The following GASK1A variants were observed in gnomAD, a reference collection of about 807,000 sequenced individuals.
GASK1A encodes Golgi-associated kinase 1A.
In GASK1A, 40 loss-of-function variants were observed where a neutral mutation model predicts 41.2. The observed-to-expected ratio is 0.97, with a 90% CI of 0.75 to 1.27. GASK1A has a LOEUF of 1.27. Ranked by LOEUF, GASK1A falls within the 50% of genes most tolerant of loss-of-function variation. The pLI, the probability that GASK1A is intolerant of heterozygous loss-of-function variation, is 0.00. For synonymous variants in GASK1A, 316 were observed against 307.1 expected (o/e 1.03, Z -0.30); for missense variants, 678 against 745.1 (o/e 0.91, Z 1.05).
At chr3:43,028,109 G>T (rs2089554401) in intron 1 of GASK1A, among the ~76,000 whole-genome samples, 1 of 152,234 alleles carries the variant, frequency 6.6e-6, no homozygotes, top group Admixed American at 6.5e-5. Flanking sequence ...GGAATGTCTG[G>T]GTTAAGATAA....
In GASK1A at chr3:43,033,204, A is replaced by G. The variant is rs2089588130; in HGVS notation, c.941A>G (p.Gln314Arg). 6.4e-7 allele frequency: 1 copy of G among 1,551,548 alleles called. No homozygotes were observed. The highest frequency in any genetic ancestry group is 8.7e-7 in the Non-Finnish European group (1 of 1,146,928). ...CCCAGGCTCAGCCAACTCTGTTCCC[A>G]AGGGCTCTGTGGCCTGATCAAGAGG... ...SSPRLSQLCS[Q>R]GLCGLIKRPG... The change falls in exon 2 of 5, where the codon CAA (glutamine) becomes CGA (arginine). Residue 314 changes from glutamine to arginine, a missense_variant. Gln to Arg is a conservative substitution (Grantham distance 43). Transcript: ENST00000430121.
intron 2 of GASK1A, among the ~76,000 whole-genome samples, chr3:43,043,015 T>C (rs1559407003): frequency 6.6e-6 from 1 of 152,194 alleles, no homozygotes; most frequent in Non-Finnish European, 1.5e-5. Flanking sequence ...CCTCACCAAA[T>C]TCTTCAACAG....
rs10628402 is a variant in GASK1A at position 42,984,296 on chromosome 3, ATC to A, written c.3+4667_3+4668del. Among the ~76,000 whole-genome samples the A allele has an allele frequency of 8.7e-5, 13 of 149,624 alleles. No individual in the cohort carries two copies. Among genetic ancestry groups the A allele is most frequent in the Admixed American group, 8.0e-4 (12 of 14,990 alleles). ...CTTCTTTATGTGGATTTCACTTCCT[ATC>A]TCTCTCTCTCTCTCTTTCTCTCTCT... is the stretch of plus-strand genomic sequence containing the variant. On this transcript the variant is annotated intron_variant, in intron 1 of 4. Transcript: ENST00000430121. The surrounding 1 kb of genome is among the most constrained non-coding windows in gnomAD (Gnocchi z 4.2).
chr3:42,995,274 CCTT>C (rs2089363438), intron 1 of GASK1A, among the ~76,000 whole-genome samples: 2 of 152,194 alleles, frequency 1.3e-5, no homozygotes, highest in South Asian at 4.1e-4. Context: ...AGGCAACTGT[CCTT>C]CTTCCTTGGT....
chr3:43,006,339 T>C lies in GASK1A; in HGVS notation c.4-25928T>C, dbSNP rs151042517. Among the ~76,000 whole-genome samples the C allele has an allele frequency of 2.0e-3, 306 of 152,292 alleles. 3 individuals carry two copies. Among genetic ancestry groups the C allele is most frequent in the African/African-American group, 7.0e-3 (291 of 41,558 alleles). ...TCCTCTTTCTTGGCTTACCTCCTGG[T>C]TTTAGTGGAGTAATTTAACCAATAG... On this transcript the variant is annotated intron_variant, in intron 1 of 4. Coordinates refer to ENST00000430121, the MANE Select transcript of GASK1A (RefSeq NM_001129908.3).
At chr3:43,053,387 A>C in intron 2 of GASK1A, 134 bp from the exon 3 acceptor site, 1 of 990,974 alleles carries the variant, frequency 1.0e-6, no homozygotes, top group Non-Finnish European at 1.5e-6. Flanking sequence ...TGACCAGCAC[A>C]GAGAACCAGT....
chr3:42,984,627 T>C lies in GASK1A; in HGVS notation c.3+4982T>C, dbSNP rs2089299325. Among the ~76,000 whole-genome samples, 1 of 152,204 alleles carries C rather than the reference T, an allele frequency of 6.6e-6. No homozygotes were observed. The highest frequency in any genetic ancestry group is 2.1e-4 in the South Asian group (1 of 4,826). Reference sequence around the variant, plus strand: ...ATAACTGAAATGCAGATTCAGTCACTCACCACTTGTAGAGTCCAATTAACA... The same window carrying C: ...ATAACTGAAATGCAGATTCAGTCACCCACCACTTGTAGAGTCCAATTAACA... On this transcript the variant is annotated intron_variant, in intron 1 of 4. Coordinates refer to ENST00000430121, the MANE Select transcript of GASK1A (RefSeq NM_001129908.3). The surrounding 1 kb of genome is among the most constrained non-coding windows in gnomAD (Gnocchi z 4.2).
At chr3:43,028,727 G>A (rs995849262) in intron 1 of GASK1A, among the ~76,000 whole-genome samples, 32 of 152,316 alleles carry the variant, frequency 2.1e-4, no homozygotes, top group Non-Finnish European at 3.8e-4. Flanking sequence ...GGGGAGCACA[G>A]GTTGTCTAGA....
At chr3:42,985,250 C>T (rs865945713) in intron 1 of GASK1A, among the ~76,000 whole-genome samples, 2 of 152,158 alleles carry the variant, frequency 1.3e-5, no homozygotes, top group African/African-American at 2.4e-5. Flanking sequence ...TAGGCCTTCA[C>T]AAGTTCTGAA....
rs577546098 is a variant in GASK1A at position 42,996,090 on chromosome 3, C to T, written c.3+16445C>T. ...CTGCAAAGCCCCAACGTATAATCAA[C>T]GTGGAGACTGGACCAGGGCAACCAG... On this transcript the variant is annotated intron_variant, in intron 1 of 4. Transcript: ENST00000430121. Among the ~76,000 whole-genome samples, 424 of 150,528 alleles carry T rather than the reference C, an allele frequency of 2.8e-3. 4 individuals are homozygous for T. The highest frequency in any genetic ancestry group is 9.9e-3 in the African/African-American group (407 of 41,154).
intron 2 of GASK1A, among the ~76,000 whole-genome samples, chr3:43,052,207 T>C (rs555968612): frequency 5.3e-5 from 8 of 152,324 alleles, no homozygotes; most frequent in Admixed American, 1.3e-4. Flanking sequence ...TTCTGTTTCA[T>C]GTGCCGTGAG....
At chr3:43,004,982 A>G (rs1445356428) in intron 1 of GASK1A, among the ~76,000 whole-genome samples, 1 of 152,184 alleles carries the variant, frequency 6.6e-6, no homozygotes, top group Non-Finnish European at 1.5e-5. Flanking sequence ...TCTATCCTTT[A>G]GAGGCCACCT....
chr3:43,041,379 A>C (rs1423798180), intron 2 of GASK1A, among the ~76,000 whole-genome samples: 16 of 152,294 alleles, frequency 1.1e-4, no homozygotes, highest in East Asian at 9.7e-4. Context: ...CATCCTCTCC[A>C]GCACCCGTTG....
chr3:43,004,500 G>C (rs923218649), intron 1 of GASK1A, among the ~76,000 whole-genome samples: 3 of 152,174 alleles, frequency 2.0e-5, no homozygotes, highest in African/African-American at 7.2e-5. Flanking sequence ...CTCAGTAGAA[G>C]ATGACTCACT....
chr3:43,041,976 G>A (rs1290662604), intron 2 of GASK1A, among the ~76,000 whole-genome samples: 1 of 152,118 alleles, frequency 6.6e-6, no homozygotes, highest in Non-Finnish European at 1.5e-5. Flanking sequence ...CTGTGCTGGG[G>A]GCATGGGCCA....
At chr3:43,004,502 T>C (rs1464121877) in intron 1 of GASK1A, among the ~76,000 whole-genome samples, 1 of 152,224 alleles carries the variant, frequency 6.6e-6, no homozygotes, top group South Asian at 2.1e-4. Flanking sequence ...CAGTAGAAGA[T>C]GACTCACTGG....
At chr3:43,033,766 A>G (rs1200453496) in intron 2 of GASK1A, among the ~76,000 whole-genome samples, 2 of 152,260 alleles carry the variant, frequency 1.3e-5, no homozygotes, top group East Asian at 3.8e-4. Flanking sequence ...GCTGATGGCT[A>G]TAATTTTCAG....
intron 1 of GASK1A, among the ~76,000 whole-genome samples, chr3:43,002,312 T>A (rs2089413608): frequency 6.6e-6 from 1 of 152,190 alleles, no homozygotes; most frequent in African/African-American, 2.4e-5. Context: ...ATTTCTTTCT[T>A]AAGGGATTTT....
At chr3:43,020,513 TCATTGCTAACCTG>T (rs2089515948) in intron 1 of GASK1A, among the ~76,000 whole-genome samples, 1 of 152,130 alleles carries the variant, frequency 6.6e-6, no homozygotes, top group African/African-American at 2.4e-5. Flanking sequence ...GTGCTAGGCT[TCATTGCTAACCTG>T]CCTGCCTGTT....
Sources: allele counts gnomAD v4.1 joint callset (sites outside exome capture counted in the v4.1 genomes callset), GRCh38; gene constraint gnomAD v4.1.1; non-coding constraint Gnocchi (gnomAD v3.1); transcripts MANE v1.5; gene names NCBI Gene and HGNC (gene_info 2026-07-23, HGNC 2026-07-21).